LRMDA: variants seen among roughly 807,000 people sequenced by gnomAD.
The protein encoded by LRMDA is leucine rich melanocyte differentiation associated, also known as leucine-rich melanocyte differentiation-associated protein.
A neutral mutation model predicts 29.8 loss-of-function variants in LRMDA; 18 were observed. That is an observed-to-expected ratio of 0.60 (90% CI 0.42 to 0.90). LRMDA has a LOEUF of 0.90. Among genes scored for constraint, LRMDA ranks in the 40% least tolerant of loss-of-function variants. LRMDA has a pLI of 0.00. For synonymous variants in LRMDA, 125 were observed against 109.4 expected (o/e 1.14, Z -0.89); for missense variants, 273 against 273.9 (o/e 1.00, Z 0.02).
chr10:76,125,716 C>T (rs1849869946), intron 5 of LRMDA, among the ~76,000 whole-genome samples: 2 of 152,166 alleles, frequency 1.3e-5, no homozygotes, highest in African/African-American at 4.8e-5. Context: ...CTGTGTCCCA[C>T]ATCAGGACTG....
chr10:76,513,659 A>G (rs563237640), intron 6 of LRMDA, among the ~76,000 whole-genome samples: 42 of 152,324 alleles, frequency 2.8e-4, no homozygotes, highest in African/African-American at 9.9e-4. Flanking sequence ...TCAATTTTAT[A>G]TATAATAGTT....
chr10:75,771,505 G>A (rs139369188), intron 2 of LRMDA, among the ~76,000 whole-genome samples: 7 of 152,234 alleles, frequency 4.6e-5, no homozygotes, highest in Non-Finnish European at 8.8e-5. Context: ...AAAGCCTGGC[G>A]AGTTTGAGGA....
chr10:75,919,039 T>A (rs1169795523), intron 2 of LRMDA, among the ~76,000 whole-genome samples: 1 of 152,198 alleles, frequency 6.6e-6, no homozygotes, highest in Non-Finnish European at 1.5e-5. Context: ...GTATCTTAAA[T>A]CATTGGATCC....
chr10:76,456,251 A>G (rs1196805569), intron 6 of LRMDA, among the ~76,000 whole-genome samples: 2 of 152,152 alleles, frequency 1.3e-5, no homozygotes, highest in East Asian at 1.9e-4. Context: ...CACTATTTTT[A>G]TTTAACTCAC....
intron 2 of LRMDA, among the ~76,000 whole-genome samples, chr10:75,820,392 G>C (rs1844137139): frequency 6.6e-6 from 1 of 152,190 alleles, no homozygotes; most frequent in African/African-American, 2.4e-5. Flanking sequence ...TAAATAATCT[G>C]ATCATATGTG....
At chr10:76,035,903 A>T in intron 2 of LRMDA, 105 bp from the exon 3 acceptor site, 1 of 1,454,146 alleles carries the variant, frequency 6.9e-7, no homozygotes, top group Non-Finnish European at 9.2e-7. Flanking sequence ...CCAAGCCCAA[A>T]CTATTCCCAG....
At chr10:75,645,647 C>T (rs1443263510) in intron 2 of LRMDA, among the ~76,000 whole-genome samples, 1 of 152,056 alleles carries the variant, frequency 6.6e-6, no homozygotes, top group Non-Finnish European at 1.5e-5. Flanking sequence ...GGAAACTTGA[C>T]TTAAGGGGTG....
intron 6 of LRMDA, among the ~76,000 whole-genome samples, chr10:76,373,479 G>T (rs1327964962): frequency 6.6e-6 from 1 of 152,064 alleles, no homozygotes; most frequent in African/African-American, 2.4e-5. Flanking sequence ...CTGGTATTCT[G>T]TCTGGACTTT....
At chr10:76,459,586 C>T (rs1247674056) in intron 6 of LRMDA, among the ~76,000 whole-genome samples, 4 of 152,010 alleles carry the variant, frequency 2.6e-5, no homozygotes, top group Non-Finnish European at 4.4e-5. Context: ...GGTGCCACTG[C>T]GAAATGTGTG....
intron 2 of LRMDA, among the ~76,000 whole-genome samples, chr10:75,949,231 A>T (rs368780710): frequency 3.3e-5 from 5 of 152,168 alleles, no homozygotes; most frequent in African/African-American, 1.2e-4. Flanking sequence ...CCACTTGCAA[A>T]AAAGGTTTGT....
At chr10:75,929,238 G>A (rs1398718927) in intron 2 of LRMDA, among the ~76,000 whole-genome samples, 1 of 152,072 alleles carries the variant, frequency 6.6e-6, no homozygotes, top group Non-Finnish European at 1.5e-5. Context: ...ATGGATGCAG[G>A]CTTGTGTGCC....
chr10:75,713,038 AGGGAGGCAT>A, intron 2 of LRMDA, among the ~76,000 whole-genome samples: 1 of 152,220 alleles, frequency 6.6e-6, no homozygotes. Flanking sequence ...TTGTTGCTTT[AGGGAGGCAT>A]GGGATAGTGA....
In LRMDA at chr10:76,362,749, T is replaced by G. The variant is rs190918734; in HGVS notation, c.601+38264T>G. 1.0e-3 allele frequency among the ~76,000 whole-genome samples: 153 copies of G among 152,060 alleles called. No homozygotes were observed. In the Middle Eastern group the frequency reaches 0.031, roughly 30 times the overall value. On this transcript the variant is annotated intron_variant, in intron 6 of 6. Coordinates refer to ENST00000611255, the MANE Select transcript of LRMDA (RefSeq NM_001305581.2). ...CTTTCTTTTGTCTTTGATTTCTACCTAGAAAATGGGGGTAAGTTGGAAGAC... is the reference window on the plus strand; with the variant it reads ...CTTTCTTTTGTCTTTGATTTCTACCGAGAAAATGGGGGTAAGTTGGAAGAC...
chr10:76,002,778 A>AG (rs1464956403), intron 2 of LRMDA, among the ~76,000 whole-genome samples: 1 of 152,114 alleles, frequency 6.6e-6, no homozygotes, highest in Non-Finnish European at 1.5e-5. Flanking sequence ...CTACAAAAAA[A>AG]GTTTTTTTCC....
chr10:75,957,400 TAAGAA>T (rs1846681733), intron 2 of LRMDA, among the ~76,000 whole-genome samples: 1 of 152,226 alleles, frequency 6.6e-6, no homozygotes, highest in South Asian at 2.1e-4. Context: ...AGGGTGCCTT[TAAGAA>T]ATCTCCAGTG....
chr10:76,505,101 T>G (rs1481460400), intron 6 of LRMDA, among the ~76,000 whole-genome samples: 1 of 147,560 alleles, frequency 6.8e-6, no homozygotes. Flanking sequence ...TGAAATTTCT[T>G]TTTTTTTTTT....
intron 5 of LRMDA, among the ~76,000 whole-genome samples, chr10:76,311,584 AT>A (rs1238105615): frequency 2.6e-5 from 4 of 152,152 alleles, no homozygotes; most frequent in Admixed American, 1.3e-4. Flanking sequence ...GGCAGTAAAT[AT>A]TTTTCCCCCT....
chr10:76,034,608 AT>A (rs1848209762), intron 2 of LRMDA, among the ~76,000 whole-genome samples: 2 of 152,258 alleles, frequency 1.3e-5, no homozygotes, highest in South Asian at 4.2e-4. Flanking sequence ...TTGACTCCCT[AT>A]TTTGGAGTCC....
At chr10:76,072,308 G>A (rs369521479) in intron 5 of LRMDA, among the ~76,000 whole-genome samples, 8 of 152,258 alleles carry the variant, frequency 5.3e-5, no homozygotes, top group African/African-American at 1.9e-4. Context: ...AAAGGGGTGT[G>A]ACCTTGGGCA....
Sources: allele counts gnomAD v4.1 joint callset (sites outside exome capture counted in the v4.1 genomes callset), GRCh38; gene constraint gnomAD v4.1.1; transcripts MANE v1.5; gene names NCBI Gene and HGNC (gene_info 2026-07-23, HGNC 2026-07-21).